The following TDP1 variants were observed in gnomAD, a reference collection of about 807,000 sequenced individuals.
TDP1 encodes tyr-DNA phosphodiesterase 1.
Under a neutral mutation model 81.5 loss-of-function variants are expected in TDP1, and 64 were observed. The observed-to-expected ratio is 0.79, with a 90% CI of 0.64 to 0.97. The LOEUF is 0.97. TDP1 is among the 50% of genes least tolerant of loss of function. The probability of loss-of-function intolerance (pLI) is 0.00; values close to 1 mark genes in which losing one functional copy is unlikely to be tolerated. For missense variants in TDP1, 723 were observed against 743.8 expected (o/e 0.97, Z 0.33); for synonymous variants, 256 against 264.3 (o/e 0.97, Z 0.30).
chr14:90,032,981 C>A, intron 15 of TDP1, 125 bp from the exon 16 acceptor site: 1 of 1,154,200 alleles, frequency 8.7e-7, no homozygotes, highest in Non-Finnish European at 1.2e-6. Context: ...TTGAAAATAC[C>A]TCCAAAATAA....
intron 6 of TDP1, among the ~76,000 whole-genome samples, chr14:89,971,688 G>A (rs1456891802): frequency 6.6e-6 from 1 of 151,964 alleles, no homozygotes; most frequent in African/African-American, 2.4e-5. Context: ...GAGTCTTTCC[G>A]CAACCTGCTA....
At chr14:89,993,054 G>T (rs951084276) in intron 13 of TDP1, 1 of 870,892 alleles carries the variant, frequency 1.1e-6, no homozygotes, top group Non-Finnish European at 1.4e-6. Context: ...GGAGCTCACA[G>T]TTCAGGCAGG....
In TDP1 at chr14:89,989,778, G is replaced by A; in HGVS notation, c.1366+13G>A. On this transcript the variant is annotated intron_variant, in intron 12 of 16. Coordinates refer to ENST00000335725, the MANE Select transcript of TDP1 (RefSeq NM_018319.4). ...GAAGGATATCCTGGTAATTCTTGGG[G>A]AGACTGTCTTGATTGTGTTTTATGT... 4 of 1,595,802 alleles carry A rather than the reference G, an allele frequency of 2.5e-6. No homozygotes were observed. Among genetic ancestry groups the A allele is most frequent in the Non-Finnish European group, 2.6e-6 (3 of 1,163,492 alleles).
intron 16 of TDP1, among the ~76,000 whole-genome samples, chr14:90,038,054 T>C (rs1887999133): frequency 6.6e-6 from 1 of 152,222 alleles, no homozygotes; most frequent in Non-Finnish European, 1.5e-5. Context: ...AGTAATGTGT[T>C]CTTCCTGGTG....
chr14:89,991,900 T>C lies in TDP1; in HGVS notation c.1367-17T>C. On this transcript the variant is annotated splice_polypyrimidine_tract_variant and intron_variant, in intron 12 of 16. Coordinates refer to ENST00000335725, the MANE Select transcript of TDP1 (RefSeq NM_018319.4). ...TTATATTTCATAATTTTTATTGTTT[T>C]ATTTTTCTTTTAAAAGCTGGGGGCT... 1 of 1,602,264 alleles carries C rather than the reference T, an allele frequency of 6.2e-7. No homozygotes were observed. Among genetic ancestry groups the C allele is most frequent in the Non-Finnish European group, 8.5e-7 (1 of 1,175,128 alleles).
chr14:90,028,777 A>T (rs1036375399), intron 15 of TDP1, among the ~76,000 whole-genome samples: 1 of 152,226 alleles, frequency 6.6e-6, no homozygotes, highest in Non-Finnish European at 1.5e-5. Flanking sequence ...GGGATAGTTC[A>T]AACCTTCTCA....
intron 14 of TDP1, among the ~76,000 whole-genome samples, chr14:89,999,973 G>C (rs188085276): frequency 6.6e-6 from 1 of 152,190 alleles, no homozygotes; most frequent in Non-Finnish European, 1.5e-5. Flanking sequence ...GAGTCTGGGC[G>C]TGGATTAGCT....
intron 6 of TDP1, among the ~76,000 whole-genome samples, chr14:89,974,082 A>C (rs1206163884): frequency 6.6e-6 from 1 of 152,042 alleles, no homozygotes; most frequent in Non-Finnish European, 1.5e-5. Flanking sequence ...TCAACATATG[A>C]ATTTGGTGGG....
At chr14:89,960,241 C>T (rs1892166594) in intron 2 of TDP1, among the ~76,000 whole-genome samples, 1 of 152,108 alleles carries the variant, frequency 6.6e-6, no homozygotes, top group Admixed American at 6.5e-5. Flanking sequence ...AACTTCTAGA[C>T]TCTAGAACAC....
chr14:89,957,427 TTAAC>T (rs1891790469), intron 2 of TDP1, among the ~76,000 whole-genome samples: 1 of 152,142 alleles, frequency 6.6e-6, no homozygotes, highest in Non-Finnish European at 1.5e-5. Context: ...GGCTCAGCAG[TTAAC>T]TAACCTGCCC....
chr14:90,017,218 G>GCA (rs1195511453), intron 14 of TDP1, among the ~76,000 whole-genome samples: 2 of 149,734 alleles, frequency 1.3e-5, no homozygotes, highest in Admixed American at 6.6e-5. Context: ...GTGTGTGCAC[G>GCA]CACACACACA....
intron 14 of TDP1, among the ~76,000 whole-genome samples, chr14:90,009,625 T>C (rs535639845): frequency 3.3e-5 from 5 of 152,340 alleles, no homozygotes; most frequent in East Asian, 3.9e-4. Context: ...CTGGAAGTTA[T>C]AGCCAGTGCA....
intron 5 of TDP1, among the ~76,000 whole-genome samples, chr14:89,968,758 T>G (rs1284099631): frequency 2.6e-5 from 4 of 152,212 alleles, no homozygotes; most frequent in Non-Finnish European, 5.9e-5. Flanking sequence ...CTTAAAGACC[T>G]TGAAATCAAA....
intron 14 of TDP1, among the ~76,000 whole-genome samples, chr14:90,011,732 A>AT (rs1884729019): frequency 6.6e-6 from 1 of 152,192 alleles, no homozygotes. Flanking sequence ...GTTTGAGGTG[A>AT]TTTTGGGTGC....
intron 7 of TDP1, among the ~76,000 whole-genome samples, chr14:89,979,320 T>A (rs887927474): frequency 6.6e-6 from 1 of 152,040 alleles, no homozygotes; most frequent in Middle Eastern, 3.2e-3. Context: ...CAATTTTTTT[T>A]TTTTTTTGAG....
At chr14:90,019,167 T>G in intron 14 of TDP1, 149 bp from the exon 15 acceptor site, 1 of 1,416,668 alleles carries the variant, frequency 7.1e-7, no homozygotes, top group Non-Finnish European at 9.6e-7. Context: ...TTAAATTCTC[T>G]TTTCAAAAAT....
At position 89,980,568 on chromosome 14, in the gene TDP1, G is replaced by C; in HGVS notation, c.820G>C (p.Gly274Arg). 4.3e-6 allele frequency: 7 copies of C among 1,614,112 alleles called. No individual in the cohort carries two copies. Among genetic ancestry groups the C allele is most frequent in the East Asian group, 2.2e-5 (1 of 44,886 alleles). Residue 274 changes from glycine (G) to arginine (R), a missense_variant, in exon 8 of 17, where the codon GGC becomes CGC. Transcript: ENST00000335725. ...TKMMLLLYEE[G>R]LRVVIHTSNL... ...AATGATGCTGCTGCTCTATGAAGAA[G>C]GCCTCCGGGTTGTCATACACACCTC...
chr14:89,978,854 C>T (rs1175106068), intron 7 of TDP1, among the ~76,000 whole-genome samples: 2 of 152,216 alleles, frequency 1.3e-5, no homozygotes, highest in Non-Finnish European at 2.9e-5. Context: ...GATGGCACAG[C>T]AGCTGTCATT....
intron 2 of TDP1, among the ~76,000 whole-genome samples, chr14:89,961,999 TTAGA>T (rs1225787751): frequency 1.3e-5 from 2 of 152,188 alleles, no homozygotes; most frequent in African/African-American, 4.8e-5. Context: ...GAAAGTCTAC[TTAGA>T]TAGTCCTTTA....
Sources: gnomAD v4.1 joint callset for allele counts (sites outside exome capture counted in the v4.1 genomes callset) on GRCh38, gnomAD v4.1.1 for gene constraint, MANE v1.5 for transcripts, NCBI Gene and HGNC (gene_info 2026-07-23, HGNC 2026-07-21) for gene names.